HMG20A: variants seen among roughly 807,000 people sequenced by gnomAD.
The protein encoded by HMG20A is high mobility group protein 20A.
Under a neutral mutation model 43.9 loss-of-function variants are expected in HMG20A, and 17 were observed. The ratio of observed to expected loss-of-function variants is 0.39; its 90% CI spans 0.27 to 0.58. The LOEUF (loss-of-function observed/expected upper bound fraction) is 0.58. HMG20A is among the 20% of genes least tolerant of loss of function. HMG20A has a pLI of 0.59. For missense variants in HMG20A, 341 were observed against 438.2 expected (o/e 0.78, Z 1.98); for synonymous variants, 132 against 147.5 (o/e 0.89, Z 0.76).
intron 1 of HMG20A, among the ~76,000 whole-genome samples, chr15:77,422,867 C>T (rs1225682291): frequency 2.0e-5 from 3 of 151,816 alleles, no homozygotes; most frequent in East Asian, 1.9e-4. Flanking sequence ...GTAGACTGCC[C>T]GAAGTAAGAA....
downstream of HMG20A, among the ~76,000 whole-genome samples, chr15:77,487,785 G>GT (rs2072953387): frequency 6.6e-6 from 1 of 152,126 alleles, no homozygotes; most frequent in South Asian, 2.1e-4. Flanking sequence ...CAAGTCAGGG[G>GT]TTTTTTCTTT....
intron 2 of HMG20A, among the ~76,000 whole-genome samples, chr15:77,463,147 T>C (rs1271762315): frequency 6.6e-6 from 1 of 152,176 alleles, no homozygotes; most frequent in Non-Finnish European, 1.5e-5. Flanking sequence ...CTTAATCTAT[T>C]ACAGTAACCT....
At chr15:77,432,105 C>T (rs1461307667) in intron 1 of HMG20A, among the ~76,000 whole-genome samples, 1 of 152,156 alleles carries the variant, frequency 6.6e-6, no homozygotes, top group Admixed American at 6.5e-5. Flanking sequence ...GTGCAGATAT[C>T]TTTTCAACAT....
chr15:77,513,570 G>A, the HMG20A span, among the ~76,000 whole-genome samples: 31 of 152,256 alleles, frequency 2.0e-4, 1 homozygote, highest in African/African-American at 6.0e-4. Context: ...GGTGCCGACC[G>A]GGTTGGCTTC....
chr15:77,496,442 T>C, the HMG20A span, among the ~76,000 whole-genome samples: 1 of 152,190 alleles, frequency 6.6e-6, no homozygotes, highest in Non-Finnish European at 1.5e-5. Flanking sequence ...CCCTCCTCCA[T>C]CCAGTTTCTC....
the HMG20A span, among the ~76,000 whole-genome samples, chr15:77,499,959 T>C: frequency 1.3e-5 from 2 of 151,980 alleles, no homozygotes; most frequent in Admixed American, 6.6e-5. Flanking sequence ...CCCTCCCTAA[T>C]AGCTGGGACT....
At chr15:77,423,979 A>G (rs1003584841) in intron 1 of HMG20A, among the ~76,000 whole-genome samples, 1 of 152,162 alleles carries the variant, frequency 6.6e-6, no homozygotes, top group Non-Finnish European at 1.5e-5. Flanking sequence ...AGTGTCTACT[A>G]TATGCCAGTC....
chr15:77,451,194 G>A (rs901522074), intron 1 of HMG20A, among the ~76,000 whole-genome samples: 12 of 152,118 alleles, frequency 7.9e-5, no homozygotes, highest in African/African-American at 2.9e-4. Context: ...CCCAAGTTTT[G>A]GCAATTATGA....
chr15:77,435,638 A>G (rs937664033), intron 1 of HMG20A, among the ~76,000 whole-genome samples: 1 of 151,998 alleles, frequency 6.6e-6, no homozygotes, highest in African/African-American at 2.4e-5. Flanking sequence ...CACTCCCTCA[A>G]TGACTTGAAG....
intron 1 of HMG20A, among the ~76,000 whole-genome samples, chr15:77,422,757 G>T (rs1055574252): frequency 2.6e-5 from 4 of 152,088 alleles, no homozygotes; most frequent in Non-Finnish European, 5.9e-5. Context: ...CTAAAATCAA[G>T]TATGATTTAT....
intron 1 of HMG20A, among the ~76,000 whole-genome samples, chr15:77,452,924 A>C (rs2072617748): frequency 1.3e-5 from 2 of 152,190 alleles, no homozygotes; most frequent in African/African-American, 2.4e-5. Context: ...TTTTAACCCA[A>C]TTTTAAAAAT....
chr15:77,449,776 A>G (rs970458167), intron 1 of HMG20A, among the ~76,000 whole-genome samples: 18 of 152,174 alleles, frequency 1.2e-4, no homozygotes, highest in African/African-American at 4.3e-4. Flanking sequence ...CCAGAATGCT[A>G]CATCTGTTAC....
At chr15:77,471,073 G>A in intron 5 of HMG20A, 31 bp downstream of exon 5, 1 of 1,600,346 alleles carries the variant, frequency 6.2e-7, no homozygotes, top group Non-Finnish European at 8.5e-7. Flanking sequence ...TGTATTTGTA[G>A]TTTGTTGTGG....
chr15:77,475,242 G>A (rs1219853947), intron 6 of HMG20A, among the ~76,000 whole-genome samples: 3 of 152,154 alleles, frequency 2.0e-5, no homozygotes, highest in African/African-American at 4.8e-5. Flanking sequence ...ATGGAAGAGC[G>A]CTGATGGTTT....
At chr15:77,462,732 C>T (rs1186533919) in intron 2 of HMG20A, among the ~76,000 whole-genome samples, 1 of 150,554 alleles carries the variant, frequency 6.6e-6, no homozygotes, top group Non-Finnish European at 1.5e-5. Flanking sequence ...TCATTAAGTT[C>T]TCTCCATTCT....
intron 1 of HMG20A, among the ~76,000 whole-genome samples, chr15:77,436,339 C>T (rs974609118): frequency 4.6e-5 from 7 of 152,156 alleles, no homozygotes; most frequent in African/African-American, 1.7e-4. Context: ...TCAGATCCAC[C>T]CTCTTTGCTA....
At chr15:77,519,193 G>A in the HMG20A span, among the ~76,000 whole-genome samples, 1 of 152,166 alleles carries the variant, frequency 6.6e-6, no homozygotes. Context: ...TGCTGTCAAA[G>A]GAAGAAAAAG....
intron 1 of HMG20A, among the ~76,000 whole-genome samples, chr15:77,432,854 TTAC>T (rs1253169326): frequency 6.0e-4 from 91 of 151,318 alleles, no homozygotes; most frequent in African/African-American, 1.4e-3. Context: ...AGAGCATAAA[TTAC>T]CAGTATCAGG....
At chr15:77,435,701 G>GCTT in intron 1 of HMG20A, among the ~76,000 whole-genome samples, 1 of 152,222 alleles carries the variant, frequency 6.6e-6, no homozygotes, top group South Asian at 2.1e-4. Flanking sequence ...TAGGTGGTAT[G>GCTT]CTTCTACCCC....
Sources: allele counts gnomAD v4.1 joint callset (sites outside exome capture counted in the v4.1 genomes callset), GRCh38; gene constraint gnomAD v4.1.1; transcripts MANE v1.5; gene names NCBI Gene and HGNC (gene_info 2026-07-23, HGNC 2026-07-21).